XKR4: variants seen among roughly 807,000 people sequenced by gnomAD.
The protein encoded by XKR4 is XK related 4.
XKR4 carries 12 observed loss-of-function variants against 53.9 expected under a neutral mutation model. The observed-to-expected ratio is 0.22, with a 90% CI of 0.14 to 0.36. The LOEUF (loss-of-function observed/expected upper bound fraction) is 0.36, where lower values mean the gene tolerates loss of function less well. XKR4 is among the 10% of genes least tolerant of loss of function. XKR4 has a pLI of 1.00. For synonymous variants in XKR4, 354 were observed against 362.4 expected (o/e 0.98, Z 0.26); for missense variants, 799 against 859.5 (o/e 0.93, Z 0.88).
At chr8:55,367,247 G>T (rs776421072) in intron 2 of XKR4, among the ~76,000 whole-genome samples, 34 of 152,076 alleles carry the variant, frequency 2.2e-4, no homozygotes, top group Non-Finnish European at 4.9e-4. Flanking sequence ...GTGTGTGTGT[G>T]TGTGTTTCTG....
At chr8:55,231,395 C>T (rs2129366924) in intron 1 of XKR4, among the ~76,000 whole-genome samples, 1 of 152,198 alleles carries the variant, frequency 6.6e-6, no homozygotes, top group South Asian at 2.1e-4. Flanking sequence ...GAATATCTGC[C>T]CTTCCATTTC....
intron 1 of XKR4, among the ~76,000 whole-genome samples, chr8:55,298,787 CAT>C (rs1025478017): frequency 2.4e-4 from 37 of 152,210 alleles, no homozygotes; most frequent in African/African-American, 7.9e-4. Flanking sequence ...CATATATAAA[CAT>C]ATATATGTCA....
At chr8:55,503,599 T>C (rs1806477739) in intron 2 of XKR4, among the ~76,000 whole-genome samples, 1 of 152,194 alleles carries the variant, frequency 6.6e-6, no homozygotes, top group Non-Finnish European at 1.5e-5. Flanking sequence ...AGTTCTGTCA[T>C]GTTTTTTGTG....
chr8:55,319,173 C>T (rs995057908), intron 1 of XKR4, among the ~76,000 whole-genome samples: 1 of 152,010 alleles, frequency 6.6e-6, no homozygotes, highest in African/African-American at 2.4e-5. Context: ...CAAGTCAGAT[C>T]AAAAGAACTC....
At chr8:55,286,280 C>T (rs530153540) in intron 1 of XKR4, among the ~76,000 whole-genome samples, 1 of 152,216 alleles carries the variant, frequency 6.6e-6, no homozygotes, top group South Asian at 2.1e-4. Flanking sequence ...GGGAGTTGGG[C>T]TGTGAAGAGA....
intron 2 of XKR4, among the ~76,000 whole-genome samples, chr8:55,410,674 C>T (rs1218653755): frequency 4.6e-5 from 7 of 152,106 alleles, no homozygotes; most frequent in Non-Finnish European, 7.4e-5. Context: ...CCCCGGGACC[C>T]TGATGGGCCT....
intron 1 of XKR4, among the ~76,000 whole-genome samples, chr8:55,282,915 T>G (rs1818861298): frequency 6.6e-6 from 1 of 152,224 alleles, no homozygotes; most frequent in South Asian, 2.1e-4. Flanking sequence ...GAATGTATGA[T>G]ATATAAGCAT....
At chr8:55,515,138 A>G (rs903595207) in intron 2 of XKR4, among the ~76,000 whole-genome samples, 6 of 152,202 alleles carry the variant, frequency 3.9e-5, no homozygotes, top group African/African-American at 1.4e-4. Flanking sequence ...TGTTTTCCTT[A>G]TCATCTCCTC....
chr8:55,325,816 T>C (rs1352813627), intron 1 of XKR4, among the ~76,000 whole-genome samples: 2 of 152,220 alleles, frequency 1.3e-5, no homozygotes, highest in African/African-American at 2.4e-5. Flanking sequence ...AGAGACACTA[T>C]ACAAATGGAT....
At chr8:55,354,803 A>G (rs1381486483) in intron 1 of XKR4, among the ~76,000 whole-genome samples, 1 of 152,120 alleles carries the variant, frequency 6.6e-6, no homozygotes, top group Non-Finnish European at 1.5e-5. Context: ...AAAAGCTATG[A>G]AGAACAATAT....
intron 1 of XKR4, among the ~76,000 whole-genome samples, chr8:55,300,025 C>T (rs1819164603): frequency 6.6e-6 from 1 of 152,130 alleles, no homozygotes; most frequent in South Asian, 2.1e-4. Flanking sequence ...ACAAGACTGT[C>T]TGGAGGTGTC....
At chr8:55,277,456 C>T (rs898425564) in intron 1 of XKR4, among the ~76,000 whole-genome samples, 1 of 152,116 alleles carries the variant, frequency 6.6e-6, no homozygotes, top group African/African-American at 2.4e-5. Flanking sequence ...TTTCCATAAA[C>T]ATAATGAGAT....
chr8:55,241,842 C>A (rs1818214497), intron 1 of XKR4, among the ~76,000 whole-genome samples: 2 of 152,130 alleles, frequency 1.3e-5, no homozygotes, highest in South Asian at 4.1e-4. Context: ...TGAATGATAT[C>A]TATTAGACCT....
intron 1 of XKR4, among the ~76,000 whole-genome samples, chr8:55,308,768 C>A (rs1164489767): frequency 6.6e-6 from 1 of 152,198 alleles, no homozygotes; most frequent in East Asian, 1.9e-4. Flanking sequence ...CATCCTTCAA[C>A]AGGTGAATAA....
chr8:55,479,212 G>T (rs1806059274), intron 2 of XKR4, among the ~76,000 whole-genome samples: 1 of 152,058 alleles, frequency 6.6e-6, no homozygotes, highest in African/African-American at 2.4e-5. Flanking sequence ...TCAGACCACA[G>T]TGCAATCAAA....
chr8:55,216,309 C>T (rs1817796139), intron 1 of XKR4, among the ~76,000 whole-genome samples: 1 of 152,194 alleles, frequency 6.6e-6, no homozygotes, highest in Non-Finnish European at 1.5e-5. Flanking sequence ...CCTGGAGAAG[C>T]AAATGAGGTG....
intron 2 of XKR4, among the ~76,000 whole-genome samples, chr8:55,368,102 A>G (rs1804019334): frequency 6.6e-6 from 1 of 152,116 alleles, no homozygotes. Context: ...CTGAGACTAC[A>G]GGCACACACC....
intron 1 of XKR4, among the ~76,000 whole-genome samples, chr8:55,337,118 T>C (rs1228259681): frequency 1.3e-5 from 2 of 152,156 alleles, no homozygotes; most frequent in Non-Finnish European, 2.9e-5. Context: ...GTGACTGCCA[T>C]CTATATATTC....
In XKR4 at chr8:55,102,455, A is replaced by G; in HGVS notation, c.-34A>G. On this transcript the variant is annotated 5_prime_UTR_variant, in exon 1 of 3. Transcript: ENST00000327381. The surrounding 1 kb of genome is among the most constrained non-coding windows in gnomAD (Gnocchi z 5.1). ...AGGAGACAGCGGGGAAAGGTGTCAG[A>G]TAAAGGAGGGCTCTCCTCCGGTGTG... 1 of 1,531,402 alleles carries G rather than the reference A, an allele frequency of 6.5e-7. No individual in the cohort carries two copies. The allele number at this position is 1,531,402 out of a possible 1,614,324, so 94.9% of individuals were successfully genotyped here.
Sources: gnomAD v4.1 joint callset for allele counts (sites outside exome capture counted in the v4.1 genomes callset) on GRCh38, gnomAD v4.1.1 for gene constraint, Gnocchi (gnomAD v3.1) non-coding constraint, MANE v1.5 for transcripts, NCBI Gene and HGNC (gene_info 2026-07-23, HGNC 2026-07-21) for gene names.